Variants in TBRG4 observed in about 807,000 individuals in gnomAD.
The protein encoded by TBRG4 is transforming growth factor beta regulator 4.
Under a neutral mutation model 65.6 loss-of-function variants are expected in TBRG4, and 43 were observed. The observed-to-expected ratio is 0.66, with a 90% CI of 0.51 to 0.85. TBRG4 has a LOEUF of 0.85. TBRG4 is among the 40% of genes least tolerant of loss of function. TBRG4 has a pLI of 0.00. For synonymous variants in TBRG4, 366 were observed against 341.4 expected (o/e 1.07, Z -0.79); for missense variants, 709 against 787.9 (o/e 0.90, Z 1.20).
At position 45,104,009 on chromosome 7, in the gene TBRG4, G is replaced by C. The variant is rs137914382; in HGVS notation, c.1065+90C>G. ...TTGCCCCCACAAGTGAGCATTTTCAGACTGGCTTTACTTTCCCGACTAAGG... is the reference window on the plus strand; with the variant it reads ...TTGCCCCCACAAGTGAGCATTTTCACACTGGCTTTACTTTCCCGACTAAGG... On this transcript the variant is annotated intron_variant, in intron 5 of 10. Transcript: ENST00000258770. 2.1e-4 allele frequency: 307 copies of C among 1,440,774 alleles called. 1 individual carries two copies. The African/African-American group carries it at 3.7e-3, about 17-fold the overall frequency. 89.2% of individuals were successfully genotyped at this position (1,440,774 alleles called of 1,614,324 possible).
intron 8 of TBRG4, 42 bp downstream of exon 8, chr7:45,101,777 TAGACTC>T: frequency 6.3e-7 from 1 of 1,599,694 alleles, no homozygotes; most frequent in South Asian, 1.1e-5. Context: ...AGAGTCCCGT[TAGACTC>T]AGGCAATGCC....
intron 1 of TBRG4, 110 bp downstream of exon 1, chr7:45,111,533 C>T (rs1785125494): frequency 1.6e-6 from 2 of 1,227,352 alleles, no homozygotes; most frequent in Non-Finnish European, 1.1e-6. Flanking sequence ...CCACCGCGTC[C>T]CAGCCTGCTC....
At chr7:45,105,949 G>A (rs772947195) in intron 2 of TBRG4, 185 bp from the exon 3 acceptor site, 2 of 840,820 alleles carry the variant, frequency 2.4e-6, no homozygotes, top group Non-Finnish European at 4.1e-6. Flanking sequence ...GCCTTGCTCA[G>A]CCTCGAGGCC....
intron 5 of TBRG4, 182 bp from the exon 6 acceptor site, chr7:45,103,625 C>T (rs928157562): frequency 4.6e-5 from 27 of 582,924 alleles, no homozygotes; most frequent in Middle Eastern, 4.6e-4. Flanking sequence ...GACACTCCTT[C>T]GCCTGGCAGC....
At chr7:45,107,028 A>C (rs992989655) in intron 2 of TBRG4, 6 of 152,158 alleles carry the variant, frequency 3.9e-5, no homozygotes, top group Non-Finnish European at 5.9e-5. Context: ...CAAAGGGAGG[A>C]GCACCCCAGG....
At chr7:45,107,039 C>T (rs1784982251) in intron 2 of TBRG4, 1 of 152,128 alleles carries the variant, frequency 6.6e-6, no homozygotes, top group Non-Finnish European at 1.5e-5. Flanking sequence ...GCACCCCAGG[C>T]ACAAAGGTTT....
Position 45,109,245 on chromosome 7 carries a change from T to C in TBRG4, c.-8A>G. 2 of 1,567,920 alleles carry C rather than the reference T, an allele frequency of 1.3e-6. No homozygotes were observed. Among genetic ancestry groups the C allele is most frequent in the Non-Finnish European group, 1.7e-6 (2 of 1,158,774 alleles). On this transcript the variant is annotated 5_prime_UTR_variant, in exon 2 of 11. Transcript: ENST00000258770. ...TACCAGGTGAGCTGCCATGATGTCC[T>C]GGGTGGCAGAGAGACAAGACTCCTA...
Position 45,100,358 on chromosome 7 carries a change from C to G in TBRG4, c.1863G>C (p.Met621Ile), listed in dbSNP as rs774640334. Residue 621 changes from methionine (M) to isoleucine (I), a missense_variant, in exon 11 of 11, where the codon ATG becomes ATC. Met to Ile is a conservative substitution (Grantham distance 10). Coordinates refer to ENST00000258770, the MANE Select transcript of TBRG4 (RefSeq NM_004749.4). ...CCAGCTCCTCAGCCACCGCTTTGCG[C>G]ATCTTGTCCTTGAGGTAGGCGCCTT... ...WQKGAYLKDK[M>I]RKAVAEELAK is the part of the protein sequence containing the mutation. 4.2e-5 allele frequency: 67 copies of G among 1,614,106 alleles called. No individual in the cohort carries two copies. The highest frequency in any genetic ancestry group is 5.3e-5 in the Non-Finnish European group (63 of 1,180,044).
intron 4 of TBRG4, 94 bp downstream of exon 4, chr7:45,104,444 A>T (rs766273518): frequency 1.6e-5 from 26 of 1,595,338 alleles, no homozygotes; most frequent in Non-Finnish European, 2.1e-5. Flanking sequence ...GCCAGTGCCT[A>T]CCATGCATAG....
intron 3 of TBRG4, 200 bp from the exon 4 acceptor site, chr7:45,104,909 T>C (rs768415098): frequency 1.0e-5 from 9 of 887,242 alleles, no homozygotes; most frequent in African/African-American, 4.9e-5. Flanking sequence ...CCTGGAGCAC[T>C]GTCCACAGCC....
At chr7:45,106,152 C>G in intron 2 of TBRG4, 1 of 488,008 alleles carries the variant, frequency 2.0e-6, no homozygotes, top group South Asian at 1.5e-5. Flanking sequence ...TCCAAGGGTA[C>G]ACCTCTGAGC....
At chr7:45,103,307 G>T in intron 6 of TBRG4, 26 bp downstream of exon 6, 1 of 1,569,398 alleles carries the variant, frequency 6.4e-7, no homozygotes, top group Non-Finnish European at 8.7e-7. Flanking sequence ...GATAAAGGTC[G>T]AGCAGTGGGA....
chr7:45,103,494 C>T (rs539378494), intron 5 of TBRG4, 51 bp from the exon 6 acceptor site: 79 of 1,454,408 alleles, frequency 5.4e-5, no homozygotes, highest in Middle Eastern at 3.6e-4. Context: ...CTGCCCAGCA[C>T]GCTGTCCTCC....
At chr7:45,111,145 T>C (rs1328078798) in intron 1 of TBRG4, among the ~76,000 whole-genome samples, 2 of 152,026 alleles carry the variant, frequency 1.3e-5, no homozygotes, top group African/African-American at 4.8e-5. Context: ...CTGGCTAATT[T>C]TTGTATTTTT....
chr7:45,101,220 CTCCCTGTGCAGTGACCA>C, intron 10 of TBRG4, 21 bp downstream of exon 10: 1 of 1,590,866 alleles, frequency 6.3e-7, no homozygotes, highest in Non-Finnish European at 8.6e-7. Context: ...GTTGGGGATT[CTCCCTGTGCAGTGACCA>C]CCTGCCCAAG....
At chr7:45,109,532 C>G (rs557565457) in intron 1 of TBRG4, among the ~76,000 whole-genome samples, 65 of 151,814 alleles carry the variant, frequency 4.3e-4, no homozygotes, top group African/African-American at 1.6e-3. Context: ...TTCCATCCTG[C>G]TTGTAATTTG....
Position 45,105,370 on chromosome 7 carries a change from C to G in TBRG4, c.735+71G>C, listed in dbSNP as rs1247511035. Reference sequence around the variant, plus strand: ...ACACAACGCACCCCTCTGCAGACAACTGTCACCCAAAGAACAAGCCCAAAG... The same window carrying G: ...ACACAACGCACCCCTCTGCAGACAAGTGTCACCCAAAGAACAAGCCCAAAG... On this transcript the variant is annotated intron_variant, in intron 3 of 10. Coordinates refer to ENST00000258770, the MANE Select transcript of TBRG4 (RefSeq NM_004749.4). The G allele has an allele frequency of 3.3e-6, 5 of 1,501,376 alleles. No homozygotes were observed. The East Asian group carries it at 1.1e-4, about 34-fold the overall frequency. 93.0% of individuals were successfully genotyped at this position (1,501,376 alleles called of 1,614,324 possible).
intron 6 of TBRG4, 48 bp from the exon 7 acceptor site, chr7:45,102,539 C>G (rs747971388): frequency 1.9e-5 from 30 of 1,586,924 alleles, no homozygotes; most frequent in Non-Finnish European, 2.6e-5. Context: ...TCCTTAGGGG[C>G]TGCAAATAGC....
intron 5 of TBRG4, 69 bp from the exon 6 acceptor site, chr7:45,103,512 C>T: frequency 8.2e-7 from 1 of 1,216,306 alleles, no homozygotes; most frequent in South Asian, 1.4e-5. Flanking sequence ...TCCTGCCTGG[C>T]TCTGAGTCTG....
Sources: allele counts gnomAD v4.1 joint callset (sites outside exome capture counted in the v4.1 genomes callset), GRCh38; gene constraint gnomAD v4.1.1; transcripts MANE v1.5; gene names NCBI Gene and HGNC (gene_info 2026-07-23, HGNC 2026-07-21).